Variants in ZSCAN5A observed in about 807,000 individuals in gnomAD.
ZSCAN5A encodes the protein zinc finger and SCAN domain-containing protein 5A.
Under a neutral mutation model 23.7 loss-of-function variants are expected in ZSCAN5A, and 12 were observed. That is an observed-to-expected ratio of 0.51 (90% CI 0.32 to 0.82). ZSCAN5A has a LOEUF of 0.82. ZSCAN5A is among the 40% of genes least tolerant of loss of function. ZSCAN5A has a pLI of 0.03. For missense variants in ZSCAN5A, 597 were observed against 617.9 expected, an observed-to-expected ratio of 0.97 and a Z score of 0.36; for synonymous variants, 257 against 239.9, an observed-to-expected ratio of 1.07 and a Z score of -0.66.
At chr19:56,349,792 TACTC>T (rs1445675485) in intron 2 of ZSCAN5A, among the ~76,000 whole-genome samples, 3 of 151,732 alleles carry the variant, frequency 2.0e-5, no homozygotes, top group Non-Finnish European at 2.9e-5. Context: ...CTACGCATCT[TACTC>T]AGTCCCACTC....
At chr19:56,365,266 T>C (rs939966030) in intron 1 of ZSCAN5A, among the ~76,000 whole-genome samples, 1 of 152,232 alleles carries the variant, frequency 6.6e-6, no homozygotes, top group Non-Finnish European at 1.5e-5. Context: ...ATTTCTGTCT[T>C]AGCAATCTCT....
At chr19:56,276,792 C>T (rs534340792) in intron 2 of ZSCAN5A, among the ~76,000 whole-genome samples, 14 of 152,176 alleles carry the variant, frequency 9.2e-5, no homozygotes, top group African/African-American at 3.4e-4. Flanking sequence ...CCACCTCGGC[C>T]TCCCAAAGTG....
chr19:56,298,546 G>A (rs989319177), intron 2 of ZSCAN5A, among the ~76,000 whole-genome samples: 5 of 151,802 alleles, frequency 3.3e-5, no homozygotes, highest in Admixed American at 6.6e-5. Flanking sequence ...CCAGCTACTC[G>A]GGAGGCTGAG....
chr19:56,354,116 G>A (rs1280888658), intron 2 of ZSCAN5A, among the ~76,000 whole-genome samples: 3 of 152,170 alleles, frequency 2.0e-5, no homozygotes, highest in African/African-American at 7.2e-5. Context: ...GTAGTGTGGT[G>A]GTTGCGAGGA....
chr19:56,254,999 T>C (rs1316786298), intron 2 of ZSCAN5A, among the ~76,000 whole-genome samples: 2 of 152,154 alleles, frequency 1.3e-5, no homozygotes, highest in African/African-American at 4.8e-5. Flanking sequence ...GCTTTCACTC[T>C]GTTGATTGTG....
intron 2 of ZSCAN5A, among the ~76,000 whole-genome samples, chr19:56,323,533 CT>C (rs35501936): frequency 0.24 from 29,412 of 123,612 alleles, 4,837 homozygotes; most frequent in African/African-American, 0.52. Flanking sequence ...TGAGGCAGAA[CT>C]TTTTTTTTTT....
chr19:56,310,861 A>G (rs1228516539), intron 2 of ZSCAN5A, among the ~76,000 whole-genome samples: 1 of 152,180 alleles, frequency 6.6e-6, no homozygotes, highest in African/African-American at 2.4e-5. Context: ...ACCCCTTAAT[A>G]GATATGCAGG....
At chr19:56,304,482 C>T (rs576443945) in intron 2 of ZSCAN5A, among the ~76,000 whole-genome samples, 2 of 152,308 alleles carry the variant, frequency 1.3e-5, no homozygotes, top group South Asian at 4.1e-4. Flanking sequence ...CCCAGGACAA[C>T]ACGCCACGAC....
intron 2 of ZSCAN5A, among the ~76,000 whole-genome samples, chr19:56,227,044 T>C (rs867843511): frequency 1.3e-5 from 2 of 152,160 alleles, no homozygotes; most frequent in African/African-American, 2.4e-5. Context: ...TGGGAAGATA[T>C]AGGTCAAAGA....
At chr19:56,333,744 T>C (rs1231799481) in intron 2 of ZSCAN5A, among the ~76,000 whole-genome samples, 1 of 151,838 alleles carries the variant, frequency 6.6e-6, no homozygotes, top group Non-Finnish European at 1.5e-5. Context: ...TAGCTCAATA[T>C]AAAGCCAGAC....
chr19:56,257,019 G>A (rs2036749025), intron 2 of ZSCAN5A, among the ~76,000 whole-genome samples: 2 of 152,202 alleles, frequency 1.3e-5, no homozygotes, highest in South Asian at 2.1e-4. Flanking sequence ...GATGTCCAGA[G>A]GTGTATTTGC....
chr19:56,287,343 C>G (rs1227026941), intron 2 of ZSCAN5A, among the ~76,000 whole-genome samples: 1 of 152,206 alleles, frequency 6.6e-6, no homozygotes, highest in Non-Finnish European at 1.5e-5. Flanking sequence ...GTCAGTCCAG[C>G]CTCGAGCACA....
chr19:56,279,213 C>T (rs145755022), intron 2 of ZSCAN5A, among the ~76,000 whole-genome samples: 1 of 152,182 alleles, frequency 6.6e-6, no homozygotes, highest in African/African-American at 2.4e-5. Flanking sequence ...CTCCCACCCC[C>T]ACCAAGTAGT....
At chr19:56,366,817 G>C (rs1430542599) in intron 1 of ZSCAN5A, among the ~76,000 whole-genome samples, 1 of 152,080 alleles carries the variant, frequency 6.6e-6, no homozygotes, top group Admixed American at 6.6e-5. Flanking sequence ...TATTTTTGCA[G>C]ACCATAGAAC....
chr19:56,367,276 T>C (rs10414446), intron 1 of ZSCAN5A: 1 of 152,114 alleles, frequency 6.6e-6, no homozygotes, highest in African/African-American at 2.4e-5. Context: ...ATAGATTCAA[T>C]CCAGGATGTC....
intron 2 of ZSCAN5A, among the ~76,000 whole-genome samples, chr19:56,325,047 A>G (rs1341572832): frequency 1.3e-5 from 2 of 152,250 alleles, no homozygotes; most frequent in African/African-American, 4.8e-5. Context: ...TTTTCTGTGC[A>G]TGGACGAGTG....
At chr19:56,332,208 A>C (rs35638120) in intron 2 of ZSCAN5A, among the ~76,000 whole-genome samples, 14,548 of 152,124 alleles carry the variant, frequency 0.096, 755 homozygotes, top group South Asian at 0.16. Flanking sequence ...ATTTAAGTCC[A>C]GGTTTCTTTG....
At position 56,221,409 on chromosome 19, in the gene ZSCAN5A, T is replaced by A; in HGVS notation, c.*166A>T. 2 of 722,232 alleles carry A rather than the reference T, an allele frequency of 2.8e-6. No individual in the cohort carries two copies. Among genetic ancestry groups the A allele is most frequent in the Non-Finnish European group, 4.3e-6 (2 of 463,500 alleles). 44.7% of individuals were successfully genotyped at this position (722,232 alleles called of 1,614,324 possible). The stretch of plus-strand genomic sequence containing the variant: ...GACATAATGAAACAGAAAACAAAGC[T>A]CAGTGGGGAGGACACATATTTACTC... On this transcript the variant is annotated 3_prime_UTR_variant, in exon 6 of 6. Transcript: ENST00000683990.
At chr19:56,298,476 C>A (rs945806159) in intron 2 of ZSCAN5A, among the ~76,000 whole-genome samples, 1 of 151,932 alleles carries the variant, frequency 6.6e-6, no homozygotes, top group African/African-American at 2.4e-5. Flanking sequence ...TCTGGTGAAA[C>A]CCCGTCTCTA....
Sources: allele counts gnomAD v4.1 joint callset (sites outside exome capture counted in the v4.1 genomes callset), GRCh38; gene constraint gnomAD v4.1.1; transcripts MANE v1.5; gene names NCBI Gene and HGNC (gene_info 2026-07-23, HGNC 2026-07-21).